GAREM2: variants seen among roughly 807,000 people sequenced by gnomAD.
GAREM2 encodes GRB2 associated regulator of MAPK1 subtype 2.
GAREM2 carries 30 observed loss-of-function variants against 55.6 expected under a neutral mutation model. The ratio of observed to expected loss-of-function variants is 0.54; its 90% confidence interval spans 0.40 to 0.73. The LOEUF (loss-of-function observed/expected upper bound fraction) is 0.73. Among genes scored for constraint, GAREM2 ranks in the 30% least tolerant of loss-of-function variants. The pLI is 0.00. For missense variants in GAREM2, 1,075 were observed against 1,257.7 expected (o/e 0.85, Z 2.20); for synonymous variants, 550 against 569.1 (o/e 0.97, Z 0.48).
chr2:26,176,483 A>C lies in GAREM2; in HGVS notation c.252A>C (p.Pro84=). The C allele has an allele frequency of 6.5e-7, 1 of 1,542,402 alleles. No homozygotes were observed. Among genetic ancestry groups the C allele is most frequent in the Non-Finnish European group, 8.8e-7 (1 of 1,141,716 alleles). ...GPKIDIPLQY[P]GKFKLLEQAR... ...AGATCGACATCCCCCTGCAGTACCCAGGTGTGTCCAGCCAGGACAGATGTC... is the reference window on the plus strand; with the variant it reads ...AGATCGACATCCCCCTGCAGTACCCCGGTGTGTCCAGCCAGGACAGATGTC... The change falls in exon 2 of 6, where the codon CCA becomes CCC. Residue 84 remains proline, a splice_region_variant and synonymous_variant. Coordinates refer to ENST00000401533, the MANE Select transcript of GAREM2 (RefSeq NM_001168241.2).
At chr2:26,182,049 C>T (rs1669067887) in intron 2 of GAREM2, 1 of 1,014,660 alleles carries the variant, frequency 9.9e-7, no homozygotes, top group Non-Finnish European at 1.2e-6. Flanking sequence ...TCATGGCTCT[C>T]TTCCTACTGT....
At chr2:26,194,555 G>C (rs1201727482), downstream of GAREM2, 1 of 1,544,434 alleles carries the variant, frequency 6.5e-7, no homozygotes, top group Non-Finnish European at 9.0e-7. Context: ...AAACACTCTG[G>C]AGAGCAATAC....
the GAREM2 span, among the ~76,000 whole-genome samples, chr2:26,196,641 T>C: frequency 1.1e-3 from 173 of 152,290 alleles, 7 homozygotes; most frequent in South Asian, 0.028. Context: ...CTATTTTGTC[T>C]TTTTGGCCTT....
chr2:26,197,762 A>C, the GAREM2 span: 5 of 1,524,652 alleles, frequency 3.3e-6, no homozygotes, highest in Non-Finnish European at 4.6e-6. Context: ...GCAAAGATAC[A>C]GTGATCTGGA....
rs757179170 is a variant in GAREM2, at chr2:26,187,672, C to A, written c.2040C>A (p.Pro680=). The part of the protein sequence containing the change: ...SPGQAYSAAP[P]SSCAPSSSSS... ...GCCAGGCCTATTCAGCTGCTCCCCC[C>A]TCCTCCTGCGCCCCCTCCTCCTCCT... Residue 680 remains proline, a synonymous_variant, in exon 6 of 6, where the codon CCC becomes CCA. Coordinates refer to ENST00000401533, the MANE Select transcript of GAREM2 (RefSeq NM_001168241.2). 2.0e-6 allele frequency: 3 copies of A among 1,518,276 alleles called. No individual in the cohort carries two copies. Among genetic ancestry groups the A allele is most frequent in the African/African-American group, 2.8e-5 (2 of 71,734 alleles). 94.1% of individuals were successfully genotyped at this position (1,518,276 alleles called of 1,614,324 possible).
chr2:26,175,064 C>A (rs982010818), intron 1 of GAREM2, among the ~76,000 whole-genome samples: 1 of 151,568 alleles, frequency 6.6e-6, no homozygotes, highest in Non-Finnish European at 1.5e-5. Flanking sequence ...CTTGAACCGC[C>A]CGCCACCCTG....
intron 2 of GAREM2, among the ~76,000 whole-genome samples, chr2:26,177,347 T>C (rs1475232765): frequency 6.6e-6 from 1 of 152,206 alleles, no homozygotes; most frequent in African/African-American, 2.4e-5. Context: ...ATCCCACATC[T>C]GCCATGTGTT....
the GAREM2 span, chr2:26,195,253 C>T: frequency 5.0e-6 from 8 of 1,607,670 alleles, no homozygotes; most frequent in African/African-American, 1.1e-4. Context: ...GAACCAAAAG[C>T]CAACAGATCG....
chr2:26,176,808 A>G (rs1040199475), intron 2 of GAREM2, among the ~76,000 whole-genome samples: 4 of 152,202 alleles, frequency 2.6e-5, no homozygotes, highest in African/African-American at 9.7e-5. Context: ...ACGCTTAGCC[A>G]TCTTTGTGCA....
chr2:26,181,378 C>G (rs1261486640), intron 2 of GAREM2: 1 of 153,478 alleles, frequency 6.5e-6, no homozygotes, highest in African/African-American at 2.4e-5. Flanking sequence ...TCTGTGAATT[C>G]CCTTTGATTC....
At chr2:26,191,807 G>A (rs1669514720), downstream of GAREM2, among the ~76,000 whole-genome samples, 1 of 152,236 alleles carries the variant, frequency 6.6e-6, no homozygotes, top group African/African-American at 2.4e-5. Flanking sequence ...AAAGTGGAGA[G>A]TAACTTGCCC....
the GAREM2 span, chr2:26,201,037 A>G: frequency 1.2e-6 from 1 of 839,116 alleles, no homozygotes; most frequent in Non-Finnish European, 2.0e-6. Context: ...CAGCCTTTGA[A>G]TAGTCCTTTT....
At chr2:26,174,783 C>A (rs1443682308) in intron 1 of GAREM2, among the ~76,000 whole-genome samples, 1 of 152,132 alleles carries the variant, frequency 6.6e-6, no homozygotes, top group East Asian at 1.9e-4. Context: ...TTGGGAGGGG[C>A]CCCTTGGCCG....
chr2:26,192,552 C>T (rs965701759), downstream of GAREM2: 10 of 707,444 alleles, frequency 1.4e-5, no homozygotes, highest in South Asian at 8.7e-5. Context: ...TTTGGGAGGC[C>T]GAGGCGGAGG....
At chr2:26,197,690 C>A in the GAREM2 span, 22 of 1,357,294 alleles carry the variant, frequency 1.6e-5, no homozygotes, top group Non-Finnish European at 2.3e-5. Flanking sequence ...TCCGAGTTTA[C>A]CTTCTCAGGT....
At chr2:26,195,242 G>A in the GAREM2 span, 2 of 1,610,794 alleles carry the variant, frequency 1.2e-6, no homozygotes, top group East Asian at 2.2e-5. Context: ...CCTGGCAAGG[G>A]GAACCAAAAG....
chr2:26,184,475 C>G lies in GAREM2; in HGVS notation c.627C>G (p.Val209=). 1 of 1,514,928 alleles carries G rather than the reference C, an allele frequency of 6.6e-7. No individual in the cohort carries two copies. Among genetic ancestry groups the G allele is most frequent in the Non-Finnish European group, 8.8e-7 (1 of 1,131,340 alleles). 93.8% of individuals were successfully genotyped at this position (1,514,928 alleles called of 1,614,324 possible). Residue 209 remains valine, a synonymous_variant, in exon 4 of 6, where the codon GTC becomes GTG. Transcript: ENST00000401533. ...CTGGCGGCGGGGGCGCCAGGCCGGT[C>G]AAAGGCAAGATGCCCTGCCTCATCT... ...GGTGGGGARP[V]KGKMPCLICM... is the part of the protein sequence containing the mutation.
At chr2:26,198,855 A>C in the GAREM2 span, among the ~76,000 whole-genome samples, 2 of 151,236 alleles carry the variant, frequency 1.3e-5, no homozygotes, top group Non-Finnish European at 2.9e-5. Context: ...TTCAAGACCA[A>C]CCTCGGCATC....
chr2:26,201,374 T>C, the GAREM2 span: 23 of 1,211,650 alleles, frequency 1.9e-5, no homozygotes, highest in Non-Finnish European at 2.7e-5. Flanking sequence ...TAACGTTTAT[T>C]GAATGTCCAT....
Sources: allele counts gnomAD v4.1 joint callset (sites outside exome capture counted in the v4.1 genomes callset), GRCh38; gene constraint gnomAD v4.1.1; transcripts MANE v1.5; gene names NCBI Gene and HGNC (gene_info 2026-07-23, HGNC 2026-07-21).